Variants in DLC1 observed in about 807,000 individuals in gnomAD.
The protein encoded by DLC1 is rho GTPase-activating protein 7.
DLC1 carries 54 observed loss-of-function variants against 140.3 expected under a neutral mutation model. The observed-to-expected ratio is 0.38, with a 90% CI of 0.31 to 0.48. The LOEUF (loss-of-function observed/expected upper bound fraction) is 0.48. Among genes scored for constraint, DLC1 ranks in the 20% least tolerant of loss-of-function variants. The probability of loss-of-function intolerance (pLI) is 0.96; values close to 1 mark genes in which losing one functional copy is unlikely to be tolerated. For missense variants in DLC1, 2,536 were observed against 1,907.0 expected (o/e 1.33, Z -6.14); for synonymous variants, 986 against 728.1 (o/e 1.35, Z -5.70).
rs1220713434 is a variant in DLC1, at chr8:13,332,865, T to G, written c.1315-27563A>C. 1.3e-5 allele frequency among the ~76,000 whole-genome samples: 2 copies of G among 152,198 alleles called. 1 individual carries two copies. Among genetic ancestry groups the G allele is most frequent in the Non-Finnish European group, 2.9e-5 (2 of 68,042 alleles). ...GAACAATATATTAAAATGTGATTTT[T>G]TTGTGTATTTGACTGAGTCACTGCT... On this transcript the variant is annotated intron_variant, in intron 4 of 17. Coordinates refer to ENST00000276297, the MANE Select transcript of DLC1 (RefSeq NM_182643.3).
At chr8:13,217,996 C>G (rs566099118) in intron 5 of DLC1, among the ~76,000 whole-genome samples, 1 of 152,096 alleles carries the variant, frequency 6.6e-6, no homozygotes, top group Admixed American at 6.5e-5. Flanking sequence ...AGAAACATGA[C>G]AGAAGCCAGT....
intron 1 of DLC1, among the ~76,000 whole-genome samples, chr8:13,533,986 A>G (rs1423099547): frequency 6.6e-6 from 1 of 152,136 alleles, no homozygotes; most frequent in Non-Finnish European, 1.5e-5. Context: ...TTGTTTATAA[A>G]TTACCCAGTC....
intron 10 of DLC1, 101 bp from the exon 11 acceptor site, chr8:13,095,346 G>C: frequency 9.9e-6 from 14 of 1,412,894 alleles, no homozygotes; most frequent in Non-Finnish European, 1.4e-5. Context: ...CTCCAGATCT[G>C]TGCTAATACG....
chr8:13,381,130 G>T (rs1014750614), intron 4 of DLC1, among the ~76,000 whole-genome samples: 3 of 152,152 alleles, frequency 2.0e-5, no homozygotes, highest in African/African-American at 7.2e-5. Flanking sequence ...GCCAGAGGAG[G>T]TGTGGCTGTA....
rs116156990 is a variant in DLC1 at position 13,602,986 on chromosome 8, G to A, written c.-126+1551C>T. Among the ~76,000 whole-genome samples the A allele has an allele frequency of 6.1e-3, 923 of 151,930 alleles. 11 individuals are homozygous for A. The highest frequency in any genetic ancestry group is 0.021 in the African/African-American group (857 of 41,510). The stretch of plus-strand genomic sequence containing the variant: ...GCTGGGTTGAAAACTTATTTTGGAT[G>A]TCAGGTAATAAAATTCTTTAGGGAT... On this transcript the variant is annotated intron_variant, in intron 1 of 1. Transcript: ENST00000631382.
upstream of DLC1, chr8:13,514,967 G>T (rs1021053748): frequency 1.4e-4 from 37 of 258,456 alleles, no homozygotes; most frequent in East Asian, 9.6e-4. Context: ...GGAGGGGAGA[G>T]CCCAGCCGCC....
chr8:13,467,610 G>A (rs573367597), intron 2 of DLC1, among the ~76,000 whole-genome samples: 1 of 152,180 alleles, frequency 6.6e-6, no homozygotes, highest in Admixed American at 6.5e-5. Flanking sequence ...ACGTGCCTAT[G>A]GTCCCAGCTA....
intron 4 of DLC1, among the ~76,000 whole-genome samples, chr8:13,379,429 T>TCAACA (rs1836152297): frequency 6.6e-6 from 1 of 152,174 alleles, no homozygotes; most frequent in Non-Finnish European, 1.5e-5. Context: ...GCCTAGCCTG[T>TCAACA]CTTAAATGTG....
intron 5 of DLC1, among the ~76,000 whole-genome samples, chr8:13,182,142 G>C (rs926540076): frequency 3.6e-4 from 54 of 152,094 alleles, no homozygotes; most frequent in Non-Finnish European, 8.8e-5. Context: ...CTTCTTTTGA[G>C]AACTGTCTGT....
chr8:13,297,437 A>G (rs1832007917), intron 5 of DLC1, among the ~76,000 whole-genome samples: 2 of 151,996 alleles, frequency 1.3e-5, no homozygotes, highest in Non-Finnish European at 2.9e-5. Context: ...GCTAAACCCC[A>G]TAAAACAGCT....
intron 5 of DLC1, among the ~76,000 whole-genome samples, chr8:13,127,853 G>A (rs916813406): frequency 1.3e-5 from 2 of 152,228 alleles, no homozygotes; most frequent in Non-Finnish European, 2.9e-5. Context: ...GTGGGGCAGG[G>A]CAGAGAACAA....
At chr8:13,416,897 C>G (rs888486704) in intron 2 of DLC1, among the ~76,000 whole-genome samples, 5 of 150,926 alleles carry the variant, frequency 3.3e-5, no homozygotes, top group African/African-American at 7.3e-5. Flanking sequence ...TTTTTTTTTT[C>G]ACTACCTCTA....
intron 2 of DLC1, among the ~76,000 whole-genome samples, chr8:13,423,082 A>T (rs999271691): frequency 2.0e-5 from 3 of 152,196 alleles, no homozygotes; most frequent in African/African-American, 4.8e-5. Context: ...TGCAAAGCAC[A>T]GTGAAAGGCA....
intron 4 of DLC1, among the ~76,000 whole-genome samples, chr8:13,388,619 A>T (rs892624673): frequency 3.9e-5 from 6 of 152,080 alleles, no homozygotes; most frequent in African/African-American, 1.2e-4. Context: ...TGAAAATAAC[A>T]TCAAAATAAC....
intron 1 of DLC1, among the ~76,000 whole-genome samples, chr8:13,501,412 A>G (rs957210950): frequency 6.6e-6 from 1 of 152,198 alleles, no homozygotes; most frequent in African/African-American, 2.4e-5. Flanking sequence ...ATTGGACTGT[A>G]AAAGAAAAAT....
At chr8:13,240,479 T>G (rs78067195) in intron 5 of DLC1, among the ~76,000 whole-genome samples, 10,158 of 152,246 alleles carry the variant, frequency 0.067, 869 homozygotes, top group African/African-American at 0.19. Context: ...GGAGTCCAGT[T>G]ATATGATCAC....
At chr8:13,178,120 T>TA (rs565171794) in intron 5 of DLC1, among the ~76,000 whole-genome samples, 138 of 151,998 alleles carry the variant, frequency 9.1e-4, no homozygotes, top group African/African-American at 3.2e-3. Flanking sequence ...ATCATTGATT[T>TA]AAAAAAAATC....
At chr8:13,169,271 TG>T (rs150553129) in intron 5 of DLC1, among the ~76,000 whole-genome samples, 1,664 of 152,348 alleles carry the variant, frequency 0.011, 19 homozygotes, top group South Asian at 0.04. Flanking sequence ...TGTGGGGTTT[TG>T]TTGTTGTTTT....
chr8:13,132,205 CTG>C (rs147699066), intron 5 of DLC1, among the ~76,000 whole-genome samples: 4,073 of 138,734 alleles, frequency 0.029, 64 homozygotes, highest in Non-Finnish European at 0.036. Context: ...AAAACCAAAA[CTG>C]TGTGTGTGTG....
Sources: allele counts gnomAD v4.1 joint callset (sites outside exome capture counted in the v4.1 genomes callset), GRCh38; gene constraint gnomAD v4.1.1; transcripts MANE v1.5; gene names NCBI Gene and HGNC (gene_info 2026-07-23, HGNC 2026-07-21).